Variants in RARB observed in about 807,000 individuals in gnomAD.
The protein encoded by RARB is HBV-activated protein.
A neutral mutation model predicts 51.9 loss-of-function variants in RARB; 17 were observed. The ratio of observed to expected loss-of-function variants is 0.33; its 90% CI spans 0.22 to 0.49. The LOEUF (loss-of-function observed/expected upper bound fraction) is 0.49, where lower values mean the gene tolerates loss of function less well. Ranked by LOEUF, RARB falls within the 20% of genes least tolerant of loss-of-function variation. The pLI is 0.99. For synonymous variants in RARB, 215 were observed against 195.4 expected (o/e 1.10, Z -0.84); for missense variants, 369 against 550.8 (o/e 0.67, Z 3.30).
intron 2 of RARB, among the ~76,000 whole-genome samples, chr3:24,888,423 T>G (rs1188586592): frequency 1.3e-5 from 2 of 152,088 alleles, no homozygotes; most frequent in African/African-American, 4.8e-5. Context: ...TTATTTTTAT[T>G]TTTTTATTAT....
chr3:25,531,388 G>GTAGATAGATAGATAGATAGA (rs142863604), intron 3 of RARB, among the ~76,000 whole-genome samples: 1 of 145,330 alleles, frequency 6.9e-6, no homozygotes, highest in Admixed American at 6.8e-5. Flanking sequence ...AGATAGATAG[G>GTAGATAGATAGATAGATAGA]TAGATAGATA....
rs975441595 is a variant in RARB at position 24,947,734 on chromosome 3, G to C, written c.-380+88982G>C. Among the ~76,000 whole-genome samples the C allele has an allele frequency of 3.7e-4, 57 of 152,286 alleles. 1 individual carries two copies. Among genetic ancestry groups the C allele is most frequent in the African/African-American group, 1.3e-3 (56 of 41,560 alleles). Reference sequence around the variant, plus strand: ...CTTTAGCCATAGTGTGCGAAGAAGGGAGGAACTCAGGTAAGGATACCGAGA... The same window carrying C: ...CTTTAGCCATAGTGTGCGAAGAAGGCAGGAACTCAGGTAAGGATACCGAGA... On this transcript the variant is annotated intron_variant, in intron 2 of 11. Coordinates refer to the RARB transcript ENST00000383772.
intron 5 of RARB, among the ~76,000 whole-genome samples, chr3:25,315,602 AGTGCTTCCTGCCTCTGTTAATCTTTTT>A (rs1247982660): frequency 1.3e-5 from 2 of 152,068 alleles, no homozygotes; most frequent in African/African-American, 4.8e-5. Flanking sequence ...TAGGATGCAT[AGTGCTTCCTGCCTCTGTTAATCTTTTT>A]TTGAGACAGA....
chr3:25,231,568 G>A (rs1227733248), intron 5 of RARB, among the ~76,000 whole-genome samples: 1 of 152,122 alleles, frequency 6.6e-6, no homozygotes, highest in African/African-American at 2.4e-5. Context: ...GAGAGTTCCA[G>A]TTGATCTATA....
intron 2 of RARB, among the ~76,000 whole-genome samples, chr3:25,002,965 A>C (rs935198342): frequency 2.6e-5 from 4 of 152,150 alleles, no homozygotes; most frequent in Non-Finnish European, 5.9e-5. Flanking sequence ...ACAATAGTAA[A>C]AGATCTTCAT....
Position 25,381,077 on chromosome 3 carries a change from C to T in RARB, c.179-80116C>T, listed in dbSNP as rs924575018. Among the ~76,000 whole-genome samples, 84 of 152,248 alleles carry T rather than the reference C, an allele frequency of 5.5e-4. 1 individual carries two copies. The highest frequency in any genetic ancestry group is 2.0e-3 in the African/African-American group (83 of 41,542). Reference sequence around the variant, plus strand: ...TTTTTCTATTTGTCAAGTCTTTCTGCATTCCTTGTAAAATAATAATTATTG... The same window carrying T: ...TTTTTCTATTTGTCAAGTCTTTCTGTATTCCTTGTAAAATAATAATTATTG... On this transcript the variant is annotated intron_variant, in intron 5 of 11. Coordinates refer to the RARB transcript ENST00000383772.
intron 5 of RARB, among the ~76,000 whole-genome samples, chr3:25,262,623 C>G (rs536200163): frequency 2.0e-5 from 3 of 152,298 alleles, no homozygotes; most frequent in African/African-American, 7.2e-5. Context: ...GACTCCTTCT[C>G]ACACTATATC....
In RARB at chr3:25,092,364, A is replaced by T. The variant is rs1192871453; in HGVS notation, c.-328+32188A>T. ...TTGTTTGTTCATTTGTTTGCCCAAG[A>T]TCTTAAAACAAAACAAAAAAACCTC... is the stretch of plus-strand genomic sequence containing the variant. On this transcript the variant is annotated intron_variant, in intron 3 of 11. Transcript: ENST00000383772. Among the ~76,000 whole-genome samples the T allele has an allele frequency of 2.0e-5, 3 of 151,912 alleles. No individual in the cohort carries two copies. The South Asian group carries it at 6.2e-4, about 31-fold the overall frequency.
At chr3:25,323,715 C>T (rs1704633962) in intron 5 of RARB, among the ~76,000 whole-genome samples, 1 of 152,138 alleles carries the variant, frequency 6.6e-6, no homozygotes, top group Non-Finnish European at 1.5e-5. Context: ...TTATAGTGGA[C>T]CTCTATGCCC....
chr3:24,914,205 G>C (rs1040932144), intron 2 of RARB, among the ~76,000 whole-genome samples: 1 of 152,130 alleles, frequency 6.6e-6, no homozygotes, highest in Non-Finnish European at 1.5e-5. Flanking sequence ...GTTTAAATTT[G>C]TCCAGCACCC....
rs1448792219 is a variant in RARB, at chr3:25,496,777, T to A, written c.307-4405T>A. Among the ~76,000 whole-genome samples the A allele has an allele frequency of 3.9e-5, 6 of 152,156 alleles. No homozygotes were observed. The South Asian group carries it at 1.0e-3, about 26-fold the overall frequency. On this transcript the variant is annotated intron_variant, in intron 2 of 7. Coordinates refer to ENST00000330688, the MANE Select transcript of RARB (RefSeq NM_000965.5). ...TTCCTGGCCAAGTGACCTCATAGAA[T>A]TTTCCTGGGTTTACTGAGAAAAGGA...
chr3:25,142,179 C>G (rs150779176), intron 4 of RARB, among the ~76,000 whole-genome samples: 4 of 152,142 alleles, frequency 2.6e-5, no homozygotes, highest in African/African-American at 9.6e-5. Flanking sequence ...TAAAAAAGCA[C>G]AAAAATTAAC....
intron 5 of RARB, among the ~76,000 whole-genome samples, chr3:25,349,413 T>G (rs1705492307): frequency 6.6e-6 from 1 of 152,194 alleles, no homozygotes; most frequent in Non-Finnish European, 1.5e-5. Context: ...GTCACTTGCG[T>G]TGGGAAATGC....
intron 2 of RARB, among the ~76,000 whole-genome samples, chr3:24,893,501 A>G (rs987053204): frequency 6.6e-6 from 1 of 152,196 alleles, no homozygotes; most frequent in African/African-American, 2.4e-5. Context: ...TGACATAAAA[A>G]TGCCTGTATA....
chr3:25,096,715 C>T (rs1342612637), intron 3 of RARB, among the ~76,000 whole-genome samples: 1 of 152,088 alleles, frequency 6.6e-6, no homozygotes, highest in Non-Finnish European at 1.5e-5. Flanking sequence ...TGTGTTTCAC[C>T]TCCTAGTATC....
At chr3:25,133,067 T>C (rs73049948) in intron 4 of RARB, among the ~76,000 whole-genome samples, 18,727 of 151,942 alleles carry the variant, frequency 0.12, 1,537 homozygotes, top group South Asian at 0.28. Flanking sequence ...TGCTTTCTTA[T>C]TGCTCTGAGT....
chr3:24,918,556 T>C (rs1695152520), intron 2 of RARB, among the ~76,000 whole-genome samples: 1 of 152,238 alleles, frequency 6.6e-6, no homozygotes. Flanking sequence ...GGTATGTTAA[T>C]AACATCTCAA....
rs1039066434 is a variant in RARB at position 25,322,544 on chromosome 3, G to A, written c.179-138649G>A. ...TATACCATTTTAATTTCTCCAAATA[G>A]ATCCCTAATACTTATGTGCTCTGGA... On this transcript the variant is annotated intron_variant, in intron 5 of 11. Transcript: ENST00000383772. Among the ~76,000 whole-genome samples, 3 of 152,032 alleles carry A rather than the reference G, an allele frequency of 2.0e-5. No homozygotes were observed. In the East Asian group the frequency reaches 5.8e-4, roughly 29 times the overall value.
At chr3:25,396,283 CTT>C (rs1164126620) in intron 5 of RARB, among the ~76,000 whole-genome samples, 1 of 152,220 alleles carries the variant, frequency 6.6e-6, no homozygotes, top group Non-Finnish European at 1.5e-5. Flanking sequence ...GAATTGAACT[CTT>C]TGAGGGTCCT....
Sources: allele counts gnomAD v4.1 joint callset (sites outside exome capture counted in the v4.1 genomes callset), GRCh38; gene constraint gnomAD v4.1.1; transcripts MANE v1.5; gene names NCBI Gene and HGNC (gene_info 2026-07-23, HGNC 2026-07-21).